MEGF10: variants seen among roughly 807,000 people sequenced by gnomAD.
The protein encoded by MEGF10 is multiple EGF like domains 10, also known as multiple epidermal growth factor-like domains protein 10.
A neutral mutation model predicts 147.5 loss-of-function variants in MEGF10; 86 were observed. The ratio of observed to expected loss-of-function variants is 0.58; its 90% CI spans 0.49 to 0.70. The LOEUF is 0.70. Among genes scored for constraint, MEGF10 ranks in the 30% least tolerant of loss-of-function variants. MEGF10 has a pLI of 0.00. For synonymous variants in MEGF10, 478 were observed against 525.5 expected, an observed-to-expected ratio of 0.91 and a Z score of 1.24; for missense variants, 1,329 against 1,487.3, an observed-to-expected ratio of 0.89 and a Z score of 1.75.
the MEGF10 span, among the ~76,000 whole-genome samples, chr5:127,247,371 G>C: frequency 2.4e-3 from 16 of 6,782 alleles, 1 homozygote; most frequent in African/African-American, 5.7e-3. Flanking sequence ...AGAAGAAGAA[G>C]AAGAAGAAGA....
rs190003171 is a variant in MEGF10 at position 127,302,287 on chromosome 5, C to A, written c.-19+11231C>A. On this transcript the variant is annotated intron_variant, in intron 1 of 24. Coordinates refer to ENST00000503335, the MANE Select transcript of MEGF10 (RefSeq NM_001256545.2). ...TTTACAGAATGGAATATTATTTAGT[C>A]ATGGAAAGAAATGAAGTATGTATGA... Among the ~76,000 whole-genome samples, 316 of 152,142 alleles carry A rather than the reference C, an allele frequency of 2.1e-3. 1 individual carries two copies. Among genetic ancestry groups the A allele is most frequent in the Non-Finnish European group, 2.5e-3 (169 of 68,026 alleles).
At chr5:127,417,513 A>G (rs1764821693) in intron 9 of MEGF10, 125 bp from the exon 10 acceptor site, 1 of 916,754 alleles carries the variant, frequency 1.1e-6, no homozygotes, top group African/African-American at 1.6e-5. Context: ...CTGGGAATGA[A>G]GTTTGAATTA....
intron 1 of MEGF10, among the ~76,000 whole-genome samples, chr5:127,318,682 A>T (rs1760666139): frequency 6.6e-6 from 1 of 152,214 alleles, no homozygotes; most frequent in African/African-American, 2.4e-5. Flanking sequence ...AAATAGGTTA[A>T]TGAAAAACAC....
At chr5:127,320,834 C>A (rs1039250466) in intron 1 of MEGF10, among the ~76,000 whole-genome samples, 1 of 152,212 alleles carries the variant, frequency 6.6e-6, no homozygotes, top group Admixed American at 6.5e-5. Context: ...ACTCTGCTTC[C>A]TGGTCTGGGT....
At chr5:127,241,078 AGTGTTTATG>A in the MEGF10 span, among the ~76,000 whole-genome samples, 2 of 152,188 alleles carry the variant, frequency 1.3e-5, no homozygotes, top group African/African-American at 4.8e-5. Flanking sequence ...CAGGCTATAT[AGTGTTTATG>A]GTTGCACATC....
At chr5:127,391,123 C>G (rs1763667511) in intron 5 of MEGF10, among the ~76,000 whole-genome samples, 1 of 115,858 alleles carries the variant, frequency 8.6e-6, no homozygotes, top group Non-Finnish European at 2.0e-5. Context: ...CACACACACA[C>G]ACACACACAC....
chr5:127,433,636 T>A, intron 14 of MEGF10, 127 bp downstream of exon 14: 1 of 1,157,294 alleles, frequency 8.6e-7, no homozygotes, highest in Non-Finnish European at 1.2e-6. Flanking sequence ...AAAGAGAGTG[T>A]AATGGTTCAC....
chr5:127,400,210 C>T (rs1442917692), intron 7 of MEGF10, among the ~76,000 whole-genome samples: 1 of 152,098 alleles, frequency 6.6e-6, no homozygotes, highest in African/African-American at 2.4e-5. Flanking sequence ...GTAGCCCAGA[C>T]AAAGTTCATT....
chr5:127,425,934 G>A (rs1037723994), intron 13 of MEGF10, among the ~76,000 whole-genome samples: 5 of 152,228 alleles, frequency 3.3e-5, no homozygotes, highest in African/African-American at 1.2e-4. Flanking sequence ...CTTGTGTGTA[G>A]TGAGGCTTTT....
intron 1 of MEGF10, among the ~76,000 whole-genome samples, chr5:127,322,032 G>A: frequency 6.7e-6 from 1 of 148,990 alleles, no homozygotes; most frequent in East Asian, 2.0e-4. Flanking sequence ...CAGAGGATTG[G>A]TCAAAGTGGA....
the MEGF10 span, among the ~76,000 whole-genome samples, chr5:127,273,140 A>C: frequency 6.6e-6 from 1 of 152,210 alleles, no homozygotes; most frequent in Non-Finnish European, 1.5e-5. Context: ...TGCTCTGCCA[A>C]GACTCCACAC....
At chr5:127,281,139 G>A in the MEGF10 span, among the ~76,000 whole-genome samples, 2 of 152,144 alleles carry the variant, frequency 1.3e-5, no homozygotes, top group African/African-American at 2.4e-5. Flanking sequence ...CCAGTTCCGA[G>A]GAATGATTTT....
chr5:127,378,839 A>G (rs1763135824), intron 5 of MEGF10, among the ~76,000 whole-genome samples: 1 of 149,072 alleles, frequency 6.7e-6, no homozygotes, highest in African/African-American at 2.5e-5. Context: ...GTAAAGTTTT[A>G]TTTTGTTTTT....
intron 18 of MEGF10, among the ~76,000 whole-genome samples, chr5:127,441,564 A>G (rs777794244): frequency 6.6e-6 from 1 of 152,214 alleles, no homozygotes; most frequent in African/African-American, 2.4e-5. Context: ...ATTGCAAATT[A>G]GTTTATTATT....
At chr5:127,231,407 C>T in the MEGF10 span, among the ~76,000 whole-genome samples, 8 of 152,190 alleles carry the variant, frequency 5.3e-5, no homozygotes, top group Middle Eastern at 3.4e-3. Context: ...GATGTGATGC[C>T]GGAAACACTC....
chr5:127,275,121 T>C, the MEGF10 span, among the ~76,000 whole-genome samples: 13 of 152,284 alleles, frequency 8.5e-5, no homozygotes, highest in African/African-American at 2.9e-4. Context: ...GTTAAATAGA[T>C]AGGAAAAAGC....
chr5:127,396,309 A>G (rs1763909572), intron 5 of MEGF10, among the ~76,000 whole-genome samples: 1 of 152,188 alleles, frequency 6.6e-6, no homozygotes, highest in Non-Finnish European at 1.5e-5. Context: ...TTATTTATTG[A>G]CATGATTGTC....
chr5:127,402,534 C>T lies in MEGF10; in HGVS notation c.781-12C>T, dbSNP rs1277628300. 3.1e-6 allele frequency: 5 copies of T among 1,609,946 alleles called. No homozygotes were observed. Among genetic ancestry groups the T allele is most frequent in the Non-Finnish European group, 3.4e-6 (4 of 1,178,432 alleles). On this transcript the variant is annotated splice_polypyrimidine_tract_variant and intron_variant, in intron 7 of 24. Transcript: ENST00000503335. ...GAGGCCCATCTAATTTTCCAAGTCT[C>T]TTTGAATGCAGGGCACAGTGTGTGG... is the stretch of plus-strand genomic sequence containing the variant.
At chr5:127,407,794 C>T (rs1764390854) in intron 8 of MEGF10, among the ~76,000 whole-genome samples, 2 of 152,074 alleles carry the variant, frequency 1.3e-5, no homozygotes, top group South Asian at 4.1e-4. Flanking sequence ...TTAATGCAGC[C>T]AATCAGACAG....
Sources: allele counts gnomAD v4.1 joint callset (sites outside exome capture counted in the v4.1 genomes callset), GRCh38; gene constraint gnomAD v4.1.1; transcripts MANE v1.5; gene names NCBI Gene and HGNC (gene_info 2026-07-23, HGNC 2026-07-21).